The following FAM151B variants were observed in gnomAD, a reference collection of about 807,000 sequenced individuals.
FAM151B encodes family with sequence similarity 151 member B.
FAM151B carries 24 observed loss-of-function variants against 31.2 expected under a neutral mutation model. The ratio of observed to expected loss-of-function variants is 0.77; its 90% CI spans 0.56 to 1.08. The LOEUF is 1.08. Among genes scored for constraint, FAM151B ranks in the 50% least tolerant of loss-of-function variants. FAM151B has a pLI of 0.00. For synonymous variants in FAM151B, 105 were observed against 111.4 expected (o/e 0.94, Z 0.36); for missense variants, 293 against 328.6 (o/e 0.89, Z 0.84).
At chr5:80,540,008 C>T (rs974854381) in intron 5 of FAM151B, among the ~76,000 whole-genome samples, 15 of 151,914 alleles carry the variant, frequency 9.9e-5, no homozygotes, top group African/African-American at 1.5e-4. Flanking sequence ...CAGAGGATAC[C>T]GCCCCAAAGA....
intron 2 of FAM151B, among the ~76,000 whole-genome samples, chr5:80,512,130 T>A (rs555504679): frequency 1.1e-4 from 17 of 152,242 alleles, no homozygotes; most frequent in South Asian, 8.3e-4. Context: ...ACGTTGAAAC[T>A]TTCACAGGAA....
chr5:80,515,174 A>C (rs1334660046), intron 3 of FAM151B, among the ~76,000 whole-genome samples: 1 of 152,104 alleles, frequency 6.6e-6, no homozygotes. Flanking sequence ...CAGGAGGTGG[A>C]GGTTGCAGTG....
intron 5 of FAM151B, among the ~76,000 whole-genome samples, chr5:80,538,452 T>TTCTCTCTCTCTCTCTC: frequency 2.0e-5 from 1 of 49,550 alleles, no homozygotes; most frequent in South Asian, 8.0e-4. Flanking sequence ...TTCTTTCTCT[T>TTCTCTCTCTCTCTCTC]TCTTTCTTTC....
At chr5:80,526,295 A>G (rs919323390) in intron 5 of FAM151B, among the ~76,000 whole-genome samples, 1 of 152,062 alleles carries the variant, frequency 6.6e-6, no homozygotes, top group Non-Finnish European at 1.5e-5. Context: ...CTATATCCTA[A>G]ATTCTCTTAG....
chr5:80,513,949 C>G (rs1355213535), intron 3 of FAM151B, among the ~76,000 whole-genome samples, 180 bp downstream of exon 3: 1 of 151,826 alleles, frequency 6.6e-6, no homozygotes, highest in African/African-American at 2.4e-5. Context: ...TTTGGAGACC[C>G]TTAAAGGCAA....
chr5:80,533,893 C>T (rs1232944151), intron 5 of FAM151B, among the ~76,000 whole-genome samples: 1 of 150,902 alleles, frequency 6.6e-6, no homozygotes, highest in Non-Finnish European at 1.5e-5. Context: ...ACAGAGAATC[C>T]AAATAAATAA....
intron 1 of FAM151B, among the ~76,000 whole-genome samples, chr5:80,498,047 G>A (rs1028190269): frequency 6.6e-6 from 1 of 152,214 alleles, no homozygotes; most frequent in Admixed American, 6.5e-5. Context: ...TAAATCATTT[G>A]GTGTATCTCA....
rs1442976131 is a variant in FAM151B at position 80,491,375 on chromosome 5, C to T, written c.25+3227C>T. Among the ~76,000 whole-genome samples, 6 of 152,184 alleles carry T rather than the reference C, an allele frequency of 3.9e-5. No individual in the cohort carries two copies. In the South Asian group the frequency reaches 1.2e-3, roughly 32 times the overall value. On this transcript the variant is annotated intron_variant, in intron 1 of 5. Coordinates refer to ENST00000282226, the MANE Select transcript of FAM151B (RefSeq NM_205548.3). ...GGACTACAGGCACACACCACCATGC[C>T]TGGGTTATTATTATTGTTAGTTTTA...
intron 1 of FAM151B, chr5:80,498,508 T>C: frequency 1.2e-6 from 1 of 835,218 alleles, no homozygotes; most frequent in Non-Finnish European, 1.9e-6. Flanking sequence ...TTAGCTCATG[T>C]CTTTTATTAA....
chr5:80,517,769 C>A (rs1484503882), intron 3 of FAM151B, among the ~76,000 whole-genome samples: 1 of 152,088 alleles, frequency 6.6e-6, no homozygotes, highest in Non-Finnish European at 1.5e-5. Flanking sequence ...TGGGAGAATA[C>A]GCTGTTTGAA....
intron 3 of FAM151B, among the ~76,000 whole-genome samples, chr5:80,514,488 T>TAAC (rs1367073140): frequency 6.9e-6 from 1 of 145,486 alleles, no homozygotes; most frequent in Non-Finnish European, 1.5e-5. Flanking sequence ...ATAATAATAA[T>TAAC]AATAATAATA....
At chr5:80,538,505 T>TTCC (rs1745694003) in intron 5 of FAM151B, among the ~76,000 whole-genome samples, 2 of 107,114 alleles carry the variant, frequency 1.9e-5, no homozygotes, top group African/African-American at 8.7e-5. Flanking sequence ...CTTCCTTTCT[T>TTCC]TTCTTTCTTT....
At chr5:80,541,631 C>A in intron 5 of FAM151B, 42 bp from the exon 6 acceptor site, 1 of 1,587,134 alleles carries the variant, frequency 6.3e-7, no homozygotes, top group Non-Finnish European at 8.6e-7. Flanking sequence ...TCATCGCTTT[C>A]TTCCACTTTT....
chr5:80,501,765 C>T, intron 1 of FAM151B, 27 bp from the exon 2 acceptor site: 1 of 1,544,412 alleles, frequency 6.5e-7, no homozygotes, highest in East Asian at 2.3e-5. Flanking sequence ...AACAATATCA[C>T]TTTTCATGTA....
intron 3 of FAM151B, among the ~76,000 whole-genome samples, chr5:80,514,102 C>T (rs946413872): frequency 6.6e-6 from 1 of 152,038 alleles, no homozygotes. Flanking sequence ...TTAATGCATA[C>T]CCTATTTGAT....
intron 1 of FAM151B, chr5:80,498,852 C>G: frequency 2.5e-6 from 1 of 399,042 alleles, no homozygotes; most frequent in Non-Finnish European, 4.8e-6. Flanking sequence ...CAGTTGCTTG[C>G]CAGCAGAGAT....
At chr5:80,507,083 C>T (rs1268419325) in intron 2 of FAM151B, among the ~76,000 whole-genome samples, 1 of 147,206 alleles carries the variant, frequency 6.8e-6, no homozygotes, top group African/African-American at 2.5e-5. Context: ...CATGCCACTG[C>T]ACTCCAGCCT....
At chr5:80,488,210 G>C in intron 1 of FAM151B, 62 bp downstream of exon 1, 1 of 1,504,210 alleles carries the variant, frequency 6.6e-7, no homozygotes, top group Non-Finnish European at 8.9e-7. Context: ...TCCGCCGGCC[G>C]TACCCTCCCT....
chr5:80,507,804 C>T (rs1473163065), intron 2 of FAM151B, among the ~76,000 whole-genome samples: 2 of 152,236 alleles, frequency 1.3e-5, no homozygotes, highest in African/African-American at 2.4e-5. Context: ...TCCACCTTCA[C>T]AGTGTTTTCA....
Sources: gnomAD v4.1 joint callset for allele counts (sites outside exome capture counted in the v4.1 genomes callset) on GRCh38, gnomAD v4.1.1 for gene constraint, MANE v1.5 for transcripts, NCBI Gene and HGNC (gene_info 2026-07-23, HGNC 2026-07-21) for gene names.